Variants in BDP1 observed in about 807,000 individuals in gnomAD.
BDP1 encodes the protein BDP1 general transcription factor IIIB subunit, also known as transcription factor TFIIIB component B'' homolog.
In BDP1, 169 loss-of-function variants were observed where a neutral mutation model predicts 266.6. The ratio of observed to expected loss-of-function variants is 0.63; its 90% confidence interval spans 0.56 to 0.72. The LOEUF (loss-of-function observed/expected upper bound fraction) is 0.72. Among genes scored for constraint, BDP1 ranks in the 30% least tolerant of loss-of-function variants. The pLI, the probability that BDP1 is intolerant of heterozygous loss-of-function variation, is 0.00. For synonymous variants in BDP1, 1,090 were observed against 1,022.4 expected (o/e 1.07, Z -1.26); for missense variants, 3,015 against 3,053.8 (o/e 0.99, Z 0.30).
At chr5:71,535,934 T>A (rs866305947) in intron 26 of BDP1, among the ~76,000 whole-genome samples, 4 of 152,236 alleles carry the variant, frequency 2.6e-5, no homozygotes, top group Middle Eastern at 3.2e-3. Context: ...ACCCTATTTT[T>A]AAATAATGTC....
chr5:71,564,921 C>G lies in BDP1; in HGVS notation c.*36C>G. On this transcript the variant is annotated 3_prime_UTR_variant, in exon 39 of 39. Coordinates refer to ENST00000358731, the MANE Select transcript of BDP1 (RefSeq NM_018429.3). Reference sequence around the variant, plus strand: ...TCTCTTTTTCTTTTTTAAATTAGGTCTAGGATTTCCAGAGTCAATTACATC... The same window carrying G: ...TCTCTTTTTCTTTTTTAAATTAGGTGTAGGATTTCCAGAGTCAATTACATC... 1.3e-6 allele frequency: 2 copies of G among 1,551,724 alleles called. No homozygotes were observed. Among genetic ancestry groups the G allele is most frequent in the Middle Eastern group, 2.4e-4 (1 of 4,182 alleles).
intron 22 of BDP1, among the ~76,000 whole-genome samples, chr5:71,517,737 G>T (rs1336975952): frequency 1.3e-5 from 2 of 152,032 alleles, no homozygotes; most frequent in East Asian, 1.9e-4. Flanking sequence ...ATTTTTAATA[G>T]TAGACAAAGA....
Position 71,549,462 on chromosome 5 carries a change from A to G in BDP1, c.6851A>G (p.Gln2284Arg), listed in dbSNP as rs780696071. 1.9e-6 allele frequency: 3 copies of G among 1,614,096 alleles called. No individual in the cohort carries two copies. The highest frequency in any genetic ancestry group is 4.5e-5 in the East Asian group (2 of 44,880). Residue 2284 changes from glutamine to arginine, a missense_variant, in exon 34 of 39, where the codon CAA becomes CGA. By Grantham distance (43) the Gln-to-Arg change is conservative (BLOSUM62 1). Transcript: ENST00000358731. ...GTACCTCAAGATGGAGAAGATGAACAAGCCTTTATTTTAACTCTGGTGGAA... is the reference window on the plus strand; with the variant it reads ...GTACCTCAAGATGGAGAAGATGAACGAGCCTTTATTTTAACTCTGGTGGAA... ...ANVPQDGEDE[Q>R]AFILTLVEIP...
chr5:71,499,506 C>G (rs1764102310), intron 13 of BDP1, among the ~76,000 whole-genome samples: 1 of 152,124 alleles, frequency 6.6e-6, no homozygotes, highest in African/African-American at 2.4e-5. Context: ...GTAATCCCAA[C>G]TACTCGGGAG....
chr5:71,462,563 G>A (rs533535008), intron 3 of BDP1, among the ~76,000 whole-genome samples: 136 of 152,098 alleles, frequency 8.9e-4, no homozygotes, highest in Non-Finnish European at 1.4e-3. Flanking sequence ...AGACCAGCCC[G>A]GGCAACATGG....
chr5:71,489,612 A>G lies in BDP1; in HGVS notation c.1422A>G (p.Glu474=). ...GGAAGAAGCAAGATGGAGCTAATGAACTGGGAGTAAACAATCTTTTAGAAA... is the reference window on the plus strand; with the variant it reads ...GGAAGAAGCAAGATGGAGCTAATGAGCTGGGAGTAAACAATCTTTTAGAAA... ...RRRKKQDGAN[E]LGVNNLLENA... Residue 474 remains glutamate, a synonymous_variant, in exon 10 of 39, where the codon GAA becomes GAG. Coordinates refer to ENST00000358731, the MANE Select transcript of BDP1 (RefSeq NM_018429.3). 3 of 1,614,148 alleles carry G rather than the reference A, an allele frequency of 1.9e-6. No individual in the cohort carries two copies. The highest frequency in any genetic ancestry group is 2.5e-6 in the Non-Finnish European group (3 of 1,179,986).
chr5:71,511,944 GT>G (rs1360488383), intron 17 of BDP1, among the ~76,000 whole-genome samples: 7 of 148,124 alleles, frequency 4.7e-5, no homozygotes, highest in Non-Finnish European at 8.9e-5. Context: ...AGTTCTTTTT[GT>G]TTTTTCAAGT....
intron 22 of BDP1, among the ~76,000 whole-genome samples, chr5:71,521,174 C>T (rs1183040307): frequency 4.3e-5 from 6 of 138,226 alleles, no homozygotes; most frequent in East Asian, 2.1e-4. Flanking sequence ...GTGACAAGAG[C>T]GAAACTCCGT....
At chr5:71,555,171 C>T (rs1483483340) in intron 35 of BDP1, among the ~76,000 whole-genome samples, 1 of 152,088 alleles carries the variant, frequency 6.6e-6, no homozygotes, top group East Asian at 1.9e-4. Flanking sequence ...ACTTAAATTT[C>T]CTAGTTAATG....
chr5:71,515,228 G>C, intron 20 of BDP1, 106 bp downstream of exon 20: 1 of 881,036 alleles, frequency 1.1e-6, no homozygotes. Context: ...TGAACATAAA[G>C]AATATTGGTT....
At chr5:71,546,017 A>ACAG (rs1742276967) in intron 32 of BDP1, among the ~76,000 whole-genome samples, 1 of 152,008 alleles carries the variant, frequency 6.6e-6, no homozygotes. Flanking sequence ...CCAGTATGAA[A>ACAG]CAGCATGTAA....
chr5:71,532,898 C>T (rs1580161789), intron 26 of BDP1, among the ~76,000 whole-genome samples: 1 of 152,236 alleles, frequency 6.6e-6, no homozygotes, highest in East Asian at 1.9e-4. Flanking sequence ...TTTTCATCAC[C>T]TCAAAAAGAA....
chr5:71,474,170 T>TG lies in BDP1; in HGVS notation c.1014+3685dup, dbSNP rs1762446002. 2.0e-5 allele frequency among the ~76,000 whole-genome samples: 3 copies of TG among 151,340 alleles called. No homozygotes were observed. In the South Asian group the frequency reaches 6.3e-4, roughly 32 times the overall value. ...AATTTTTTTGTATTTTTAGTAGAGATGGGGTTTCACCATGTTAGCCAGGGT... is the reference window on the plus strand; with the variant it reads ...AATTTTTTTGTATTTTTAGTAGAGATGGGGGTTTCACCATGTTAGCCAGGGT... On this transcript the variant is annotated intron_variant, in intron 7 of 38. Transcript: ENST00000358731.
At chr5:71,571,861 G>C (rs1319486180), downstream of BDP1, among the ~76,000 whole-genome samples, 1 of 152,024 alleles carries the variant, frequency 6.6e-6, no homozygotes. Context: ...ACCTCAGCAG[G>C]TCCACCTGCC....
At chr5:71,527,440 C>G (rs1451921915) in intron 25 of BDP1, among the ~76,000 whole-genome samples, 6 of 152,146 alleles carry the variant, frequency 3.9e-5, no homozygotes, top group Non-Finnish European at 7.3e-5. Flanking sequence ...ATTCCTCCCA[C>G]CCCCTAACCT....
chr5:71,504,561 G>A (rs904966775), intron 15 of BDP1, 60 bp from the exon 16 acceptor site: 4 of 1,454,304 alleles, frequency 2.8e-6, no homozygotes, highest in East Asian at 2.3e-5. Context: ...CATTTTCAAT[G>A]AAATCTGTTA....
intron 30 of BDP1, among the ~76,000 whole-genome samples, 183 bp downstream of exon 30, chr5:71,542,448 A>G (rs764957436): frequency 1.3e-5 from 2 of 152,178 alleles, no homozygotes; most frequent in Admixed American, 6.5e-5. Context: ...AGTAATTAAT[A>G]CCATTTTGCT....
intron 26 of BDP1, among the ~76,000 whole-genome samples, chr5:71,538,413 GAGAA>G (rs1313773672): frequency 6.6e-6 from 1 of 152,200 alleles, no homozygotes; most frequent in Non-Finnish European, 1.5e-5. Flanking sequence ...AGGAAGGAGA[GAGAA>G]AGAGCAGTGT....
At position 71,510,107 on chromosome 5, in the gene BDP1, A is replaced by C. The variant is rs980068620; in HGVS notation, c.3015A>C (p.Val1005=). 5 of 1,614,000 alleles carry C rather than the reference A, an allele frequency of 3.1e-6. No homozygotes were observed. The African/African-American group carries it at 6.7e-5, about 22-fold the overall frequency. ...ATGGCCCAGAGGAGGTCAAGCCTGT[A>C]GATGAAATGGAGACAGATTTGAACG... is the stretch of plus-strand genomic sequence containing the variant. The part of the protein sequence containing the change: ...RENGPEEVKP[V]DEMETDLNAT... Residue 1005 remains valine, a synonymous_variant, in exon 17 of 39, where the codon GTA becomes GTC. Coordinates refer to ENST00000358731, the MANE Select transcript of BDP1 (RefSeq NM_018429.3).
Sources: allele counts gnomAD v4.1 joint callset (sites outside exome capture counted in the v4.1 genomes callset), GRCh38; gene constraint gnomAD v4.1.1; transcripts MANE v1.5; gene names NCBI Gene and HGNC (gene_info 2026-07-23, HGNC 2026-07-21).